SIN3A: variants seen among roughly 807,000 people sequenced by gnomAD.
The protein encoded by SIN3A is paired amphipathic helix protein Sin3a.
A neutral mutation model predicts 146.1 loss-of-function variants in SIN3A; 14 were observed. The observed-to-expected ratio is 0.10, with a 90% CI of 0.06 to 0.15. The LOEUF (loss-of-function observed/expected upper bound fraction) is 0.15. SIN3A is among the 10% of genes least tolerant of loss of function. The probability of loss-of-function intolerance (pLI) is 1.00; values close to 1 mark genes in which losing one functional copy is unlikely to be tolerated. For synonymous variants in SIN3A, 572 were observed against 572.0 expected (o/e 1.00, Z 0.00); for missense variants, 1,028 against 1,576.0 (o/e 0.65, Z 5.89).
intron 9 of SIN3A, among the ~76,000 whole-genome samples, chr15:75,404,172 T>C (rs985835104): frequency 3.3e-5 from 5 of 152,086 alleles, no homozygotes; most frequent in Admixed American, 6.6e-5. Context: ...TCCGTATGCT[T>C]TTCTTAACTA....
At chr15:75,405,842 T>G (rs2141472735) in intron 9 of SIN3A, among the ~76,000 whole-genome samples, 1 of 152,336 alleles carries the variant, frequency 6.6e-6, no homozygotes, top group South Asian at 2.1e-4. Context: ...TCTTAATTCT[T>G]AATTTATAAT....
At chr15:75,423,570 C>T (rs183788412) in intron 2 of SIN3A, among the ~76,000 whole-genome samples, 1 of 152,056 alleles carries the variant, frequency 6.6e-6, no homozygotes, top group Non-Finnish European at 1.5e-5. Flanking sequence ...CCCAGCTACT[C>T]GGGAGGCTGA....
At chr15:75,432,785 G>A (rs1595921764) in intron 1 of SIN3A, among the ~76,000 whole-genome samples, 1 of 151,462 alleles carries the variant, frequency 6.6e-6, no homozygotes, top group African/African-American at 2.4e-5. Flanking sequence ...GCTCACACCC[G>A]TAATCCCAGC....
chr15:75,445,566 G>A (rs181503384), intron 1 of SIN3A, among the ~76,000 whole-genome samples: 319 of 149,716 alleles, frequency 2.1e-3, no homozygotes, highest in African/African-American at 7.1e-3. Flanking sequence ...GCAAAACTCC[G>A]TCTCAAAATA....
chr15:75,413,102 A>T, intron 4 of SIN3A, 57 bp from the exon 5 acceptor site: 3 of 1,517,986 alleles, frequency 2.0e-6, no homozygotes, highest in Non-Finnish European at 2.7e-6. Context: ...CACCCTGTTA[A>T]GAAAAAATTT....
upstream of SIN3A, among the ~76,000 whole-genome samples, chr15:75,455,393 T>C (rs1232916708): frequency 6.6e-6 from 1 of 152,076 alleles, no homozygotes; most frequent in Non-Finnish European, 1.5e-5. Flanking sequence ...TTCCAGTATT[T>C]TTCTTTTTAA....
chr15:75,410,244 G>C lies in SIN3A; in HGVS notation c.1051C>G (p.Pro351Ala). ...TACACCTCCTGCTCTGTCAATGCTG[G>C]AGTGTAGTTTCCTCCAGCTTCCTTG... ...NAKEAGGNYT[P>A]ALTEQEVYAQ... Residue 351 changes from proline (P) to alanine (A), a missense_variant, in exon 7 of 21, where the codon CCA becomes GCA. Physicochemically the swap from Pro to Ala is conservative, Grantham distance 27. This residue lies in a region of SIN3A where 40 missense variants were observed against 74.0 expected (regional missense o/e 0.54). Transcript: ENST00000394947. The C allele has an allele frequency of 6.2e-7, 1 of 1,613,926 alleles. No individual in the cohort carries two copies. Among genetic ancestry groups the C allele is most frequent in the Non-Finnish European group, 8.5e-7 (1 of 1,179,944 alleles).
intron 17 of SIN3A, 124 bp from the exon 18 acceptor site, chr15:75,381,829 GAAGATACTA>G: frequency 1.3e-6 from 1 of 761,666 alleles, no homozygotes; most frequent in South Asian, 1.7e-5. Flanking sequence ...AAGAGATGAG[GAAGATACTA>G]GATCTTGGGT....
chr15:75,447,103 T>C lies in SIN3A; in HGVS notation c.-34+4320A>G, dbSNP rs570569807. 1.3e-3 allele frequency among the ~76,000 whole-genome samples: 203 copies of C among 152,332 alleles called. 2 individuals are homozygous for C. The highest frequency in any genetic ancestry group is 3.9e-3 in the East Asian group (20 of 5,190). On this transcript the variant is annotated intron_variant, in intron 1 of 20. Coordinates refer to ENST00000394947, the MANE Select transcript of SIN3A (RefSeq NM_001145358.2). ...TATCTAAATAAGGACTCAGGTTTAA[T>C]ACTCAGACTGAAATGGAAAGCCACT...
In SIN3A at chr15:75,391,414, A is replaced by G. The variant is rs190948846; in HGVS notation, c.2851+828T>C. Among the ~76,000 whole-genome samples the G allele has an allele frequency of 7.2e-5, 11 of 152,284 alleles. No individual in the cohort carries two copies. The East Asian group carries it at 1.9e-3, about 27-fold the overall frequency. On this transcript the variant is annotated intron_variant, in intron 15 of 20. Transcript: ENST00000394947. ...TTCGAGCTAGGACTAGTCTAGATAA[A>G]AGCTTTCAGAATTATTTTTCAGTGT...
At position 75,384,176 on chromosome 15, in the gene SIN3A, A is replaced by G. The variant is rs1463695161; in HGVS notation, c.3195+88T>C. 8.3e-6 allele frequency: 9 copies of G among 1,087,956 alleles called. No individual in the cohort carries two copies. The East Asian group carries it at 2.0e-4, about 24-fold the overall frequency. The allele number at this position is 1,087,956 out of a possible 1,614,324, so 67.4% of individuals were successfully genotyped here. A position where few individuals can be genotyped will look rare whatever the true frequency, so the allele number is the denominator to read the frequency against. On this transcript the variant is annotated intron_variant, in intron 17 of 20. Coordinates refer to ENST00000394947, the MANE Select transcript of SIN3A (RefSeq NM_001145358.2). ...GTCCAGGAGTAGAATCACAGGTCAA[A>G]GTACCCCGGCTTTAACTTCTGGTTC...
intron 2 of SIN3A, among the ~76,000 whole-genome samples, chr15:75,423,051 G>C (rs2073865823): frequency 1.3e-5 from 2 of 152,090 alleles, no homozygotes; most frequent in African/African-American, 4.8e-5. Flanking sequence ...TTGGGCCACA[G>C]AGTGAGACCA....
chr15:75,385,598 C>T (rs1355251040), intron 16 of SIN3A, among the ~76,000 whole-genome samples: 1 of 152,132 alleles, frequency 6.6e-6, no homozygotes, highest in South Asian at 2.1e-4. Context: ...AAAATAGATA[C>T]AAGAAGAAAG....
chr15:75,376,081 A>C, intron 19 of SIN3A: 1 of 597,518 alleles, frequency 1.7e-6, no homozygotes, highest in East Asian at 2.8e-5. Context: ...CCCATCCCCT[A>C]CTTGACTTAG....
chr15:75,400,169 G>A lies in SIN3A; in HGVS notation c.1738-13C>T. 2 of 1,438,774 alleles carry A rather than the reference G, an allele frequency of 1.4e-6. No homozygotes were observed. Among genetic ancestry groups the A allele is most frequent in the East Asian group, 2.3e-5 (1 of 44,038 alleles). 89.1% of individuals were successfully genotyped at this position (1,438,774 alleles called of 1,614,324 possible). ...TATCATTTAAAACCTTTGGGTAGAA[G>A]AAGAGAGACTGAAACAAAAGCCTAA... On this transcript the variant is annotated splice_polypyrimidine_tract_variant and intron_variant, in intron 11 of 20. Transcript: ENST00000394947.
intron 2 of SIN3A, among the ~76,000 whole-genome samples, chr15:75,429,508 G>T (rs1490803816): frequency 6.6e-6 from 1 of 152,200 alleles, no homozygotes; most frequent in Non-Finnish European, 1.5e-5. Context: ...CACTGTCCAA[G>T]AGTCAGCCAT....
chr15:75,392,545 C>T lies in SIN3A; in HGVS notation c.2548G>A (p.Ala850Thr). The T allele has an allele frequency of 1.9e-6, 3 of 1,614,074 alleles. No individual in the cohort carries two copies. Among genetic ancestry groups the T allele is most frequent in the Non-Finnish European group, 2.5e-6 (3 of 1,180,040 alleles). The change falls in exon 15 of 21, where the codon GCA (alanine) becomes ACA (threonine). Residue 850 changes from alanine to threonine, a missense_variant. Physicochemically the swap from Ala to Thr is moderately conservative, Grantham distance 58 (BLOSUM62 0). Coordinates refer to ENST00000394947, the MANE Select transcript of SIN3A (RefSeq NM_001145358.2). ...CCAACACCATTGTGCTTCTTAACTG[C>T]CCCTGTGGCTTCATCTACATCCATC... ...EEMDVDEATG[A>T]VKKHNGVGGS...
chr15:75,373,754 TA>T (rs1011963776), intron 20 of SIN3A, among the ~76,000 whole-genome samples: 2,022 of 131,946 alleles, frequency 0.015, 8 homozygotes, highest in African/African-American at 0.021. Context: ...CTATTTTCAT[TA>T]AAAAAAAAAA....
intron 1 of SIN3A, among the ~76,000 whole-genome samples, chr15:75,449,522 G>A (rs1354763496): frequency 2.6e-5 from 4 of 152,180 alleles, no homozygotes; most frequent in African/African-American, 9.7e-5. Flanking sequence ...CATCTAATGT[G>A]GTTCTGCTAT....
Sources: allele counts gnomAD v4.1 joint callset (sites outside exome capture counted in the v4.1 genomes callset), GRCh38; gene constraint gnomAD v4.1.1; regional missense constraint gnomAD v4.1.1; transcripts MANE v1.5; gene names NCBI Gene and HGNC (gene_info 2026-07-23, HGNC 2026-07-21).